The following TEX14 variants were observed in gnomAD, a reference collection of about 807,000 sequenced individuals.
The protein encoded by TEX14 is inactive serine/threonine-protein kinase TEX14.
A neutral mutation model predicts 178.6 loss-of-function variants in TEX14; 168 were observed. That is an observed-to-expected ratio of 0.94 (90% CI 0.83 to 1.07). TEX14 has a LOEUF of 1.07. TEX14 is among the 50% of genes least tolerant of loss of function. The pLI, the probability that TEX14 is intolerant of heterozygous loss-of-function variation, is 0.00. For synonymous variants in TEX14, 626 were observed against 634.1 expected, an observed-to-expected ratio of 0.99 and a Z score of 0.19; for missense variants, 1,730 against 1,753.6, an observed-to-expected ratio of 0.99 and a Z score of 0.24.
intron 2 of TEX14, chr17:58,647,906 C>T (rs2046750093): frequency 6.6e-6 from 1 of 152,206 alleles, no homozygotes; most frequent in African/African-American, 2.4e-5. Flanking sequence ...CCATGTTGGC[C>T]AGGCTGTTCT....
At position 58,556,701 on chromosome 17, in the gene TEX14, T is replaced by C. The variant is rs1567985102; in HGVS notation, c.*310A>G. The stretch of plus-strand genomic sequence containing the variant: ...AATCTGTTATTAAAATTAAACATTT[T>C]ATTATATAACAAGAGTTAAAGTTTT... On this transcript the variant is annotated 3_prime_UTR_variant, in exon 32 of 32. Coordinates refer to ENST00000349033, the MANE Select transcript of TEX14 (RefSeq NM_031272.5). The C allele has an allele frequency of 6.2e-6, 2 of 323,126 alleles. No homozygotes were observed. Among genetic ancestry groups the C allele is most frequent in the Non-Finnish European group, 1.1e-5 (2 of 177,104 alleles). 20.0% of individuals were successfully genotyped at this position (323,126 alleles called of 1,614,324 possible).
rs1374194081 is a variant in TEX14 at position 58,557,807 on chromosome 17, T to C, written c.4311A>G (p.Glu1437=). 8.1e-6 allele frequency: 13 copies of C among 1,611,630 alleles called. No homozygotes were observed. The highest frequency in any genetic ancestry group is 1.1e-5 in the Non-Finnish European group (13 of 1,178,538). The change falls in exon 31 of 32, where the codon GAA becomes GAG. Residue 1437 remains glutamate, a synonymous_variant. Transcript: ENST00000349033. The part of the protein sequence containing the change: ...SCFWKRLGWS[E]SSRIIVLDQS... Reference sequence around the variant, plus strand: ...ATCTGATATTTCATTACCTGGATGATTCGGACCAACCTAGTCGCTTCCAAA... The same window carrying C: ...ATCTGATATTTCATTACCTGGATGACTCGGACCAACCTAGTCGCTTCCAAA...
chr17:58,604,750 A>G (rs1190073790), intron 11 of TEX14, among the ~76,000 whole-genome samples: 1 of 151,932 alleles, frequency 6.6e-6, no homozygotes, highest in Non-Finnish European at 1.5e-5. Flanking sequence ...TAGTAGAGAC[A>G]GGGTTTCACC....
chr17:58,683,656 G>A (rs533337320), intron 1 of TEX14, among the ~76,000 whole-genome samples: 82 of 151,090 alleles, frequency 5.4e-4, no homozygotes, highest in African/African-American at 1.9e-3. Context: ...CCAGCTACTC[G>A]GGAGGCTGAG....
At chr17:58,659,157 A>G (rs1440762760) in intron 1 of TEX14, among the ~76,000 whole-genome samples, 1 of 151,270 alleles carries the variant, frequency 6.6e-6, no homozygotes, top group African/African-American at 2.4e-5. Context: ...AGGACAGAAA[A>G]GCGCAAAAGC....
chr17:58,649,473 T>C (rs1248754479), intron 2 of TEX14, among the ~76,000 whole-genome samples: 6 of 152,308 alleles, frequency 3.9e-5, no homozygotes, highest in African/African-American at 1.4e-4. Flanking sequence ...CCCCTTATTC[T>C]GCACTCTGAG....
chr17:58,684,623 C>T (rs979955956), intron 1 of TEX14, among the ~76,000 whole-genome samples: 1 of 143,824 alleles, frequency 7.0e-6, no homozygotes, highest in East Asian at 2.0e-4. Context: ...ACAGTGAGAC[C>T]CTGTCTCAAA....
At position 58,578,383 on chromosome 17, in the gene TEX14, T is replaced by C. The variant is rs1205603077; in HGVS notation, c.3239-927A>G. ...TTTATACCAGGGGAAAGTAGGGCCC[T>C]GGGGTGAAGTGACTTGCTGAAGGTT... On this transcript the variant is annotated intron_variant, in intron 20 of 31. Coordinates refer to ENST00000349033, the MANE Select transcript of TEX14 (RefSeq NM_031272.5). Among the ~76,000 whole-genome samples the C allele has an allele frequency of 2.7e-5, 4 of 149,688 alleles. No individual in the cohort carries two copies. The East Asian group carries it at 8.0e-4, about 30-fold the overall frequency.
chr17:58,606,369 TAATTAAG>T (rs947178490), intron 10 of TEX14, among the ~76,000 whole-genome samples: 127 of 152,350 alleles, frequency 8.3e-4, no homozygotes, highest in African/African-American at 2.9e-3. Flanking sequence ...TGGCAGTTGA[TAATTAAG>T]AATTAAGTTT....
chr17:58,616,068 G>A (rs1443126755), intron 7 of TEX14, 107 bp downstream of exon 7: 2 of 1,250,624 alleles, frequency 1.6e-6, no homozygotes, highest in East Asian at 4.7e-5. Flanking sequence ...ATGTTCTTAG[G>A]TGTTCCCTGT....
intron 8 of TEX14, among the ~76,000 whole-genome samples, chr17:58,614,906 C>T (rs2045835753): frequency 6.6e-6 from 1 of 152,142 alleles, no homozygotes; most frequent in Admixed American, 6.6e-5. Flanking sequence ...GGGCACAGGG[C>T]CCAAAGTGGG....
At chr17:58,565,865 T>C in intron 26 of TEX14, 41 bp from the exon 27 acceptor site, 3 of 1,500,232 alleles carry the variant, frequency 2.0e-6, no homozygotes, top group Non-Finnish European at 2.7e-6. Context: ...ATTTCCTCCC[T>C]TGCGTGTCCT....
In TEX14 at chr17:58,691,306, G is replaced by A. The variant is rs912141244; in HGVS notation, c.-2+633C>T. Among the ~76,000 whole-genome samples, 3 of 152,134 alleles carry A rather than the reference G, an allele frequency of 2.0e-5. 1 individual carries two copies. The South Asian group carries it at 6.2e-4, about 32-fold the overall frequency. Reference sequence around the variant, plus strand: ...TGTTTCCTTTTTTAGATCTAAGTATGTAGAGGGCTCTGATTTGCAATATTT... The same window carrying A: ...TGTTTCCTTTTTTAGATCTAAGTATATAGAGGGCTCTGATTTGCAATATTT... On this transcript the variant is annotated intron_variant, in intron 1 of 31. Transcript: ENST00000349033.
chr17:58,573,804 C>T (rs900980882), intron 22 of TEX14, among the ~76,000 whole-genome samples: 11 of 152,184 alleles, frequency 7.2e-5, no homozygotes, highest in South Asian at 2.1e-4. Flanking sequence ...CAGGCATGAG[C>T]CACCACACCT....
chr17:58,630,580 G>C (rs889351779), intron 2 of TEX14, 26 bp from the exon 3 acceptor site: 2 of 1,534,772 alleles, frequency 1.3e-6, no homozygotes, highest in South Asian at 2.2e-5. Flanking sequence ...CAGAATCAAT[G>C]CAAATATCAG....
intron 15 of TEX14, 126 bp downstream of exon 15, chr17:58,593,429 G>T (rs2045205408): frequency 4.1e-6 from 3 of 728,574 alleles, no homozygotes; most frequent in East Asian, 2.7e-5. Flanking sequence ...CTGCCAATCT[G>T]CATTACTCTT....
chr17:58,574,130 C>T (rs933800616), intron 22 of TEX14, 57 bp downstream of exon 22: 1 of 1,338,574 alleles, frequency 7.5e-7, no homozygotes, highest in Non-Finnish European at 1.1e-6. Context: ...ATATACTATT[C>T]CCTTAAAACC....
At chr17:58,687,056 G>A (rs2047613349) in intron 1 of TEX14, among the ~76,000 whole-genome samples, 1 of 151,314 alleles carries the variant, frequency 6.6e-6, no homozygotes, top group Non-Finnish European at 1.5e-5. Flanking sequence ...AAGGCCCATG[G>A]GATGTGACCA....
At chr17:58,613,064 T>C (rs1396207584) in intron 9 of TEX14, among the ~76,000 whole-genome samples, 2 of 151,858 alleles carry the variant, frequency 1.3e-5, no homozygotes, top group Admixed American at 6.6e-5. Context: ...TAGCCAGGCA[T>C]AGTGGCAGGC....
Sources: allele counts gnomAD v4.1 joint callset (sites outside exome capture counted in the v4.1 genomes callset), GRCh38; gene constraint gnomAD v4.1.1; transcripts MANE v1.5; gene names NCBI Gene and HGNC (gene_info 2026-07-23, HGNC 2026-07-21).